Variants in ATP13A5 observed in about 807,000 individuals in gnomAD.
The protein encoded by ATP13A5 is probable cation-transporting ATPase 13A5.
In ATP13A5, 149 loss-of-function variants were observed where a neutral mutation model predicts 150.2. The ratio of observed to expected loss-of-function variants is 0.99; its 90% confidence interval spans 0.87 to 1.14. ATP13A5 has a LOEUF of 1.14. ATP13A5 is among the 50% of genes most tolerant of loss of function. The pLI is 0.00. For synonymous variants in ATP13A5, 497 were observed against 522.2 expected, an observed-to-expected ratio of 0.95 and a Z score of 0.66; for missense variants, 1,383 against 1,449.3, an observed-to-expected ratio of 0.95 and a Z score of 0.74.
chr3:193,301,849 A>C (rs1718407818), intron 23 of ATP13A5, among the ~76,000 whole-genome samples: 1 of 152,188 alleles, frequency 6.6e-6, no homozygotes, highest in Non-Finnish European at 1.5e-5. Context: ...GAAGGCTTTG[A>C]TATTGCAGGA....
At chr3:193,299,338 C>T (rs1718310003) in intron 24 of ATP13A5, 135 bp from the exon 25 acceptor site, 2 of 607,068 alleles carry the variant, frequency 3.3e-6, no homozygotes, top group Non-Finnish European at 5.7e-6. Context: ...AATGACTAAC[C>T]TAAAATTATT....
At chr3:193,307,064 T>C in intron 22 of ATP13A5, 1 of 971,556 alleles carries the variant, frequency 1.0e-6, no homozygotes, top group Non-Finnish European at 1.2e-6. Context: ...TAAAGTTCCA[T>C]CTTTGGAACC....
intron 9 of ATP13A5, among the ~76,000 whole-genome samples, chr3:193,335,801 C>T (rs1711834395): frequency 1.3e-5 from 2 of 152,274 alleles, no homozygotes; most frequent in East Asian, 1.9e-4. Context: ...GCCTGACATT[C>T]CCCTACAAAA....
At chr3:193,346,767 T>A in intron 7 of ATP13A5, among the ~76,000 whole-genome samples, 1 of 152,152 alleles carries the variant, frequency 6.6e-6, no homozygotes, top group Non-Finnish European at 1.5e-5. Context: ...ATACTTCAGT[T>A]TTGCATGGAA....
intron 18 of ATP13A5, among the ~76,000 whole-genome samples, chr3:193,314,573 G>A (rs1012717818): frequency 6.6e-6 from 1 of 152,160 alleles, no homozygotes; most frequent in Admixed American, 6.5e-5. Flanking sequence ...CACAGGGTCA[G>A]GCTGTGCTTG....
intron 7 of ATP13A5, among the ~76,000 whole-genome samples, chr3:193,349,780 C>T (rs7619902): frequency 0.54 from 82,225 of 151,826 alleles, 22,501 homozygotes; most frequent in African/African-American, 0.61. Flanking sequence ...GGGAAATAAA[C>T]ACTCTTGTGT....
At chr3:193,370,748 TTTAA>T (rs1713412065) in intron 1 of ATP13A5, among the ~76,000 whole-genome samples, 1 of 152,216 alleles carries the variant, frequency 6.6e-6, no homozygotes, top group African/African-American at 2.4e-5. Flanking sequence ...TTAGGTGTTA[TTTAA>T]TTCTCACCAC....
At chr3:193,329,002 T>G (rs1711520165) in intron 12 of ATP13A5, among the ~76,000 whole-genome samples, 1 of 151,918 alleles carries the variant, frequency 6.6e-6, no homozygotes, top group Admixed American at 6.6e-5. Context: ...ATCCCAGCAC[T>G]TTGGGAGGCC....
At chr3:193,330,049 C>T (rs1711570994) in intron 12 of ATP13A5, among the ~76,000 whole-genome samples, 1 of 152,172 alleles carries the variant, frequency 6.6e-6, no homozygotes, top group Non-Finnish European at 1.5e-5. Context: ...TACCTACCAG[C>T]CCATATTCTA....
At chr3:193,283,301 T>C (rs561078709) in intron 27 of ATP13A5, among the ~76,000 whole-genome samples, 32 of 152,306 alleles carry the variant, frequency 2.1e-4, no homozygotes, top group African/African-American at 7.7e-4. Flanking sequence ...TTAAAACTAA[T>C]TGTGATAATC....
chr3:193,318,424 T>G (rs931872009), intron 17 of ATP13A5, among the ~76,000 whole-genome samples: 11 of 152,206 alleles, frequency 7.2e-5, no homozygotes, highest in Non-Finnish European at 1.5e-4. Context: ...TTATAAATTA[T>G]CCTCTAATGA....
In ATP13A5 at chr3:193,301,204, T is replaced by C; in HGVS notation, c.2775+7A>G. On this transcript the variant is annotated splice_region_variant and intron_variant, in intron 24 of 29. Coordinates refer to ENST00000342358, the MANE Select transcript of ATP13A5 (RefSeq NM_198505.4). ...TAGAACTGAGACAAAATGATTTTGT[T>C]TCATACCCAATAGAGCAGTAATGCA... 1 of 1,599,198 alleles carries C rather than the reference T, an allele frequency of 6.3e-7. No individual in the cohort carries two copies. Among genetic ancestry groups the C allele is most frequent in the African/African-American group, 1.3e-5 (1 of 74,620 alleles).
chr3:193,320,411 T>TG (rs961676694), intron 16 of ATP13A5, among the ~76,000 whole-genome samples: 6 of 152,132 alleles, frequency 3.9e-5, no homozygotes, highest in African/African-American at 1.4e-4. Context: ...GATTGGAAGT[T>TG]GGGAAAACAG....
Position 193,305,631 on chromosome 3 carries a change from TC to T in ATP13A5, c.2605del (p.Glu869SerfsTer41). The T allele has an allele frequency of 6.2e-7, 1 of 1,613,934 alleles. No individual in the cohort carries two copies. Among genetic ancestry groups the T allele is most frequent in the South Asian group, 1.1e-5 (1 of 91,068 alleles). ...KAAHAGISLSEQEASVASPFT... is the reference protein window; with the variant it reads ...KAAHAGISLSXQEASVASPFT... Reference sequence around the variant, plus strand: ...AGGGGATGCCACAGATGCTTCCTGCTCTGATAATGAAATGCCTGCATGAGCC... The same window carrying T: ...AGGGGATGCCACAGATGCTTCCTGCTTGATAATGAAATGCCTGCATGAGCC... On this transcript the variant is annotated frameshift_variant, in exon 23 of 30. Coordinates refer to ENST00000342358, the MANE Select transcript of ATP13A5 (RefSeq NM_198505.4). LOFTEE classifies it high-confidence loss of function.
chr3:193,314,988 C>G lies in ATP13A5; in HGVS notation c.2142G>C (p.Arg714Ser). ...AATACATACCTGTAATCATCACAGTCCTGATACGGGCCTCACTCAGTTCCT... is the reference window on the plus strand; with the variant it reads ...AATACATACCTGTAATCATCACAGTGCTGATACGGGCCTCACTCAGTTCCT... ...VLKELSEARI[R>S]TVMITGDNLQ... The change falls in exon 18 of 30, where the codon AGG becomes AGC. Residue 714 changes from arginine to serine, a missense_variant. By Grantham distance (110) the Arg-to-Ser change is moderately radical (BLOSUM62 -1). This residue lies in a region of ATP13A5 where 568 missense variants were observed against 621.5 expected (regional missense o/e 0.91). Transcript: ENST00000342358. 3 of 1,613,492 alleles carry G rather than the reference C, an allele frequency of 1.9e-6. No individual in the cohort carries two copies. The highest frequency in any genetic ancestry group is 2.5e-6 in the Non-Finnish European group (3 of 1,179,598).
intron 27 of ATP13A5, among the ~76,000 whole-genome samples, chr3:193,283,812 A>C (rs1717602058): frequency 6.6e-6 from 1 of 151,570 alleles, no homozygotes; most frequent in Non-Finnish European, 1.5e-5. Flanking sequence ...ATTATTTATC[A>C]TACTGAAGCC....
At chr3:193,326,105 C>T (rs1180983693) in intron 13 of ATP13A5, among the ~76,000 whole-genome samples, 2 of 152,120 alleles carry the variant, frequency 1.3e-5, no homozygotes, top group Non-Finnish European at 2.9e-5. Flanking sequence ...TTTACCTGGC[C>T]CCTTCGTCAT....
intron 27 of ATP13A5, among the ~76,000 whole-genome samples, chr3:193,284,280 C>G (rs1277598138): frequency 6.6e-6 from 1 of 152,086 alleles, no homozygotes; most frequent in African/African-American, 2.4e-5. Flanking sequence ...CCACCTCAGC[C>G]TCCCAAAGTG....
At chr3:193,314,319 A>G (rs137881045) in intron 18 of ATP13A5, 126 bp from the exon 19 acceptor site, 3 of 1,044,180 alleles carry the variant, frequency 2.9e-6, no homozygotes, top group African/African-American at 3.2e-5. Flanking sequence ...GCCTTATTTT[A>G]TCTTCCTCTC....
Sources: allele counts gnomAD v4.1 joint callset (sites outside exome capture counted in the v4.1 genomes callset), GRCh38; gene constraint gnomAD v4.1.1; regional missense constraint gnomAD v4.1.1; transcripts MANE v1.5; gene names NCBI Gene and HGNC (gene_info 2026-07-23, HGNC 2026-07-21).